EMC2: variants seen among roughly 807,000 people sequenced by gnomAD.
EMC2 encodes the protein ER membrane protein complex subunit 2.
A neutral mutation model predicts 51.6 loss-of-function variants in EMC2; 37 were observed. The observed-to-expected ratio is 0.72, with a 90% CI of 0.55 to 0.94. The LOEUF (loss-of-function observed/expected upper bound fraction) is 0.94, where lower values mean the gene tolerates loss of function less well. Among genes scored for constraint, EMC2 ranks in the 40% least tolerant of loss-of-function variants. The probability of loss-of-function intolerance (pLI) is 0.00; values close to 1 mark genes in which losing one functional copy is unlikely to be tolerated. For synonymous variants in EMC2, 131 were observed against 112.4 expected (o/e 1.17, Z -1.04); for missense variants, 359 against 350.9 (o/e 1.02, Z -0.18).
At chr8:108,443,766 G>C in intron 1 of EMC2, 68 bp downstream of exon 1, 1 of 1,394,088 alleles carries the variant, frequency 7.2e-7, no homozygotes, top group Admixed American at 1.9e-5. Flanking sequence ...AGTACCCGCT[G>C]CTTTCGGGGA....
chr8:108,462,044 T>C (rs1819335523), intron 5 of EMC2, among the ~76,000 whole-genome samples: 1 of 152,190 alleles, frequency 6.6e-6, no homozygotes, highest in Admixed American at 6.5e-5. Context: ...CTTGACCTTG[T>C]GATCTGCCTG....
intron 10 of EMC2, among the ~76,000 whole-genome samples, chr8:108,480,869 A>G (rs948857127): frequency 3.3e-5 from 5 of 152,180 alleles, no homozygotes; most frequent in Non-Finnish European, 7.3e-5. Context: ...CTAATCTCAC[A>G]TTTATGAGCA....
intron 10 of EMC2, among the ~76,000 whole-genome samples, chr8:108,482,185 C>T (rs1172818663): frequency 6.6e-6 from 1 of 152,130 alleles, no homozygotes; most frequent in Non-Finnish European, 1.5e-5. Context: ...GTAATTACAG[C>T]CATTCTGGTA....
intron 1 of EMC2, 43 bp from the exon 2 acceptor site, chr8:108,449,780 G>A: frequency 1.1e-6 from 1 of 873,428 alleles, no homozygotes; most frequent in Non-Finnish European, 1.9e-6. Context: ...GTATGTGTGT[G>A]TCTGGGTACA....
chr8:108,457,247 A>T (rs1374466928), intron 5 of EMC2, among the ~76,000 whole-genome samples: 37 of 150,966 alleles, frequency 2.5e-4, no homozygotes, highest in Admixed American at 2.4e-3. Flanking sequence ...CCCCAGGGAG[A>T]TTTTCTGTGG....
At chr8:108,453,203 ATTT>A in intron 4 of EMC2, 56 bp downstream of exon 4, 7 of 791,724 alleles carry the variant, frequency 8.8e-6, no homozygotes, top group Non-Finnish European at 1.1e-5. Context: ...GGTGGTGTTA[ATTT>A]TTTTTTTTTT....
chr8:108,461,902 G>A (rs939384200), intron 5 of EMC2, among the ~76,000 whole-genome samples: 6 of 152,050 alleles, frequency 3.9e-5, no homozygotes, highest in Admixed American at 3.9e-4. Flanking sequence ...TCCGCCTCCC[G>A]GGTTCAAGTG....
At chr8:108,480,055 C>T (rs1384474912) in intron 10 of EMC2, among the ~76,000 whole-genome samples, 2 of 152,048 alleles carry the variant, frequency 1.3e-5, no homozygotes, top group African/African-American at 4.8e-5. Context: ...ATTGATTATT[C>T]TTGGGTCAGT....
In EMC2 at chr8:108,488,344, G is replaced by T. The variant is rs1162098769; in HGVS notation, c.*1746G>T. 2.0e-5 allele frequency among the ~76,000 whole-genome samples: 3 copies of T among 151,962 alleles called. No individual in the cohort carries two copies. The highest frequency in any genetic ancestry group is 2.0e-4 in the Admixed American group (3 of 15,244). On this transcript the variant is annotated 3_prime_UTR_variant, in exon 11 of 11. Transcript: ENST00000220853. ...CCTGGCTAATTTTGTATTTTTAGTA[G>T]AGATGGGGTTTCACCATGTTGGCCA...
chr8:108,464,927 G>A (rs956225466), intron 5 of EMC2, among the ~76,000 whole-genome samples: 1 of 152,170 alleles, frequency 6.6e-6, no homozygotes, highest in African/African-American at 2.4e-5. Flanking sequence ...AGGGAACCTG[G>A]ATTCTCCTTT....
Position 108,443,704 on chromosome 8 carries a change from T to C in EMC2, c.40+6T>C. 6.2e-7 allele frequency: 1 copy of C among 1,608,164 alleles called. No individual in the cohort carries two copies. On this transcript the variant is annotated splice_donor_region_variant and intron_variant, in intron 1 of 10. Transcript: ENST00000220853. ...TTACGATGTCACTTGGGAAGGTAACTTCGGGTGGGGGCGGGTGCGGAAAGA... is the reference window on the plus strand; with the variant it reads ...TTACGATGTCACTTGGGAAGGTAACCTCGGGTGGGGGCGGGTGCGGAAAGA...
chr8:108,460,848 T>A (rs1486802721), intron 5 of EMC2, among the ~76,000 whole-genome samples: 1 of 152,246 alleles, frequency 6.6e-6, no homozygotes, highest in Non-Finnish European at 1.5e-5. Flanking sequence ...TGTATTATTC[T>A]TGTATCAAAC....
rs545851464 is a variant in EMC2 at position 108,452,450 on chromosome 8, C to T, written c.220-612C>T. On this transcript the variant is annotated intron_variant, in intron 3 of 10. Coordinates refer to ENST00000220853, the MANE Select transcript of EMC2 (RefSeq NM_014673.5). Reference sequence around the variant, plus strand: ...GGTGTGGTGACAGGCGCCTGTAGTCCGAGCTACTTGGGAGGCCGAGGCAGG... The same window carrying T: ...GGTGTGGTGACAGGCGCCTGTAGTCTGAGCTACTTGGGAGGCCGAGGCAGG... Among the ~76,000 whole-genome samples, 7 of 152,172 alleles carry T rather than the reference C, an allele frequency of 4.6e-5. No individual in the cohort carries two copies. In the South Asian group the frequency reaches 1.2e-3, roughly 27 times the overall value.
At chr8:108,466,923 A>G (rs1008127587) in intron 5 of EMC2, among the ~76,000 whole-genome samples, 1 of 152,142 alleles carries the variant, frequency 6.6e-6, no homozygotes, top group Non-Finnish European at 1.5e-5. Flanking sequence ...GTTAGACATT[A>G]TATGAATAAG....
At position 108,449,923 on chromosome 8, in the gene EMC2, G is replaced by A; in HGVS notation, c.141G>A (p.Lys47=). Residue 47 remains lysine, a synonymous_variant, in exon 2 of 11, where the codon AAG becomes AAA. Coordinates refer to ENST00000220853, the MANE Select transcript of EMC2 (RefSeq NM_014673.5). ...AATTAATTAATGAATATGCTTCTAA[G>A]CTGGGAGATGATAGTAAGTTCTTTT... ...GEELINEYAS[K]LGDDIWIIYE... 1 of 1,526,410 alleles carries A rather than the reference G, an allele frequency of 6.6e-7. No individual in the cohort carries two copies. Among genetic ancestry groups the A allele is most frequent in the Non-Finnish European group, 9.1e-7 (1 of 1,102,936 alleles). The allele number at this position is 1,526,410 out of a possible 1,614,324, so 94.6% of individuals were successfully genotyped here. A position where few individuals can be genotyped will look rare whatever the true frequency, so the allele number is the denominator to read the frequency against.
intron 1 of EMC2, among the ~76,000 whole-genome samples, chr8:108,448,938 G>A (rs781028489): frequency 6.6e-6 from 1 of 151,640 alleles, no homozygotes; most frequent in Non-Finnish European, 1.5e-5. Flanking sequence ...TTGTTCTTCT[G>A]TACCTTTAAA....
Position 108,472,773 on chromosome 8 carries a change from G to C in EMC2, c.509+2652G>C, listed in dbSNP as rs115946462. Among the ~76,000 whole-genome samples, 1,205 of 152,004 alleles carry C rather than the reference G, an allele frequency of 7.9e-3. 15 individuals are homozygous for C. Among genetic ancestry groups the C allele is most frequent in the African/African-American group, 0.028 (1,152 of 41,486 alleles). On this transcript the variant is annotated intron_variant, in intron 7 of 10. Transcript: ENST00000220853. ...ACAGTGGCAAAAACGTAGCAGTTTC[G>C]AAAATGTCAGATATATTTAACATTC... is the stretch of plus-strand genomic sequence containing the variant.
intron 7 of EMC2, among the ~76,000 whole-genome samples, chr8:108,471,734 T>C (rs1810861218): frequency 6.6e-6 from 1 of 151,966 alleles, no homozygotes. Context: ...AAGGTTGTTT[T>C]ATATTTTTAT....
chr8:108,470,166 C>T (rs778231453), intron 7 of EMC2, 45 bp downstream of exon 7: 7 of 1,341,674 alleles, frequency 5.2e-6, no homozygotes, highest in African/African-American at 1.4e-5. Context: ...CAGTTTTCAT[C>T]ACTGTAAGTT....
Sources: gnomAD v4.1 joint callset for allele counts (sites outside exome capture counted in the v4.1 genomes callset) on GRCh38, gnomAD v4.1.1 for gene constraint, MANE v1.5 for transcripts, NCBI Gene and HGNC (gene_info 2026-07-23, HGNC 2026-07-21) for gene names.